Variants in CADM2 observed in about 807,000 individuals in gnomAD.
CADM2 encodes the protein cell adhesion molecule 2, also known as immunoglobulin superfamily member 4D.
A neutral mutation model predicts 49.8 loss-of-function variants in CADM2; 12 were observed. That is an observed-to-expected ratio of 0.24 (90% CI 0.15 to 0.39). The LOEUF is 0.39. Ranked by LOEUF, CADM2 falls within the 10% of genes least tolerant of loss-of-function variation. The pLI, the probability that CADM2 is intolerant of heterozygous loss-of-function variation, is 1.00. For synonymous variants in CADM2, 214 were observed against 175.4 expected, an observed-to-expected ratio of 1.22 and a Z score of -1.74; for missense variants, 378 against 492.3, an observed-to-expected ratio of 0.77 and a Z score of 2.20.
At chr3:85,582,969 A>G (rs2062837962) in intron 1 of CADM2, among the ~76,000 whole-genome samples, 1 of 152,116 alleles carries the variant, frequency 6.6e-6, no homozygotes, top group Non-Finnish European at 1.5e-5. Context: ...ACCTACCCCA[A>G]AAAAGAAAAA....
At chr3:85,564,351 T>C (rs1375551) in intron 1 of CADM2, among the ~76,000 whole-genome samples, 77,786 of 151,772 alleles carry the variant, frequency 0.51, 22,990 homozygotes, top group East Asian at 0.85. Flanking sequence ...AACTGCAGAG[T>C]CAGATATCTT....
At chr3:85,070,863 C>CT (rs1259084610) in intron 1 of CADM2, among the ~76,000 whole-genome samples, 1 of 151,940 alleles carries the variant, frequency 6.6e-6, no homozygotes, top group Non-Finnish European at 1.5e-5. Context: ...GTGGTGCACA[C>CT]TTGTAGTCTC....
chr3:85,465,036 C>G (rs555507479), intron 1 of CADM2, among the ~76,000 whole-genome samples: 1 of 152,252 alleles, frequency 6.6e-6, no homozygotes, highest in South Asian at 2.1e-4. Context: ...ATAGTCCCAG[C>G]AACTCGGGAG....
intron 7 of CADM2, among the ~76,000 whole-genome samples, chr3:85,938,964 C>T (rs1167248884): frequency 1.3e-5 from 2 of 151,776 alleles, no homozygotes; most frequent in East Asian, 1.9e-4. Context: ...TTAACTAGTA[C>T]GTTTTGAAGA....
chr3:85,473,349 C>G (rs191031443), intron 1 of CADM2, among the ~76,000 whole-genome samples: 19 of 152,038 alleles, frequency 1.2e-4, no homozygotes, highest in African/African-American at 4.6e-4. Context: ...TGCCTTTACT[C>G]TTGACAAGTA....
At chr3:85,826,100 T>C (rs554431970) in intron 3 of CADM2, among the ~76,000 whole-genome samples, 81 of 152,168 alleles carry the variant, frequency 5.3e-4, no homozygotes, top group African/African-American at 1.9e-3. Context: ...TTGTTGACCT[T>C]TTATATCATC....
intron 1 of CADM2, among the ~76,000 whole-genome samples, chr3:85,385,161 C>T (rs1465166467): frequency 1.3e-5 from 2 of 152,136 alleles, no homozygotes; most frequent in Non-Finnish European, 2.9e-5. Context: ...TCTCAAGCTC[C>T]TGTCCTCAGG....
intron 1 of CADM2, among the ~76,000 whole-genome samples, chr3:85,304,661 T>C (rs904900668): frequency 5.3e-5 from 8 of 151,842 alleles, no homozygotes; most frequent in Admixed American, 2.0e-4. Flanking sequence ...TACGTTTAAC[T>C]TTGTTTTTTA....
rs527866170 is a variant in CADM2 at position 85,391,607 on chromosome 3, A to G, written c.62-334915A>G. Among the ~76,000 whole-genome samples the G allele has an allele frequency of 2.6e-5, 4 of 152,262 alleles. No individual in the cohort carries two copies. The East Asian group carries it at 5.8e-4, about 22-fold the overall frequency. On this transcript the variant is annotated intron_variant, in intron 1 of 9. Coordinates refer to ENST00000383699, the MANE Select transcript of CADM2 (RefSeq NM_001167675.2). The stretch of plus-strand genomic sequence containing the variant: ...ACACAACAGAAGAATTATATTGTGC[A>G]ATACAAATCTTTGTTTTGATAAGGA...
intron 1 of CADM2, among the ~76,000 whole-genome samples, chr3:85,119,862 C>T (rs1215291251): frequency 6.6e-6 from 1 of 152,046 alleles, no homozygotes; most frequent in Non-Finnish European, 1.5e-5. Context: ...TATCCTGAGA[C>T]TTTTCTGAAA....
chr3:85,885,680 C>CAA lies in CADM2; in HGVS notation c.392-489_392-488dup, dbSNP rs1230774557. ...CTGGGGTCAGAGCAAGACTCTATCT[C>CAA]AAAAAAAAAAAAAAAAAAAAAATTA... On this transcript the variant is annotated intron_variant, in intron 4 of 9. Coordinates refer to ENST00000383699, the MANE Select transcript of CADM2 (RefSeq NM_001167675.2). 4.0e-3 allele frequency among the ~76,000 whole-genome samples: 343 copies of CAA among 86,448 alleles called. 3 individuals are homozygous for CAA. The highest frequency in any genetic ancestry group is 0.015 in the Middle Eastern group (2 of 130). The allele number at this position is 86,448 out of a possible 152,430, so 56.7% of individuals were successfully genotyped here.
chr3:85,864,012 AC>A (rs1333402085), intron 3 of CADM2, among the ~76,000 whole-genome samples: 2 of 152,132 alleles, frequency 1.3e-5, no homozygotes, highest in African/African-American at 2.4e-5. Context: ...TGAAGAGCAC[AC>A]CCACAGAGTG....
intron 1 of CADM2, among the ~76,000 whole-genome samples, chr3:85,305,839 A>C (rs1276371278): frequency 1.3e-5 from 2 of 151,710 alleles, no homozygotes; most frequent in African/African-American, 4.8e-5. Context: ...TCAAGTTAAC[A>C]GATCTAAAAC....
chr3:85,717,325 T>C (rs562614627), intron 1 of CADM2, among the ~76,000 whole-genome samples: 22 of 152,290 alleles, frequency 1.4e-4, no homozygotes, highest in Admixed American at 1.3e-3. Flanking sequence ...GGAATGCTTG[T>C]GATTTTTGCA....
chr3:85,027,109 C>CTTTTTTTTTTTTTTTTTTTTTT lies in CADM2; in HGVS notation c.61+67443_61+67464dup, dbSNP rs1160735135. On this transcript the variant is annotated intron_variant, in intron 1 of 9. Transcript: ENST00000383699. ...TGGTTGTTGTTGCTTTTTCTTTTTC[C>CTTTTTTTTTTTTTTTTTTTTTT]TTTTTTTTTTTTTTTTTTTTTTTAA... Among the ~76,000 whole-genome samples, 25 of 55,688 alleles carry CTTTTTTTTTTTTTTTTTTTTTT rather than the reference C, an allele frequency of 4.5e-4. 3 individuals are homozygous for CTTTTTTTTTTTTTTTTTTTTTT. Among genetic ancestry groups the CTTTTTTTTTTTTTTTTTTTTTT allele is most frequent in the Admixed American group, 9.9e-4 (3 of 3,028 alleles). 36.5% of individuals were successfully genotyped at this position (55,688 alleles called of 152,430 possible).
intron 1 of CADM2, among the ~76,000 whole-genome samples, chr3:85,278,718 TTGTGTGTGTGTGTGTGTGTGTGTG>T (rs36208431): frequency 6.9e-6 from 1 of 144,462 alleles, no homozygotes; most frequent in Non-Finnish European, 1.5e-5. Flanking sequence ...GCTGATGTTC[TTGTGTGTGTGTGTGTGTGTGTGTG>T]TGTGTGTGTG....
At chr3:86,058,218 A>C (rs541525220) in intron 8 of CADM2, among the ~76,000 whole-genome samples, 2 of 152,324 alleles carry the variant, frequency 1.3e-5, no homozygotes, top group East Asian at 3.9e-4. Flanking sequence ...ATAGACACTT[A>C]GAATGGTTCA....
chr3:85,087,317 G>T (rs1400624062), intron 1 of CADM2, among the ~76,000 whole-genome samples: 1 of 152,042 alleles, frequency 6.6e-6, no homozygotes, highest in African/African-American at 2.4e-5. Flanking sequence ...ATTAATTTTA[G>T]ATTCTTTATC....
At chr3:85,848,685 A>AT (rs1398993761) in intron 3 of CADM2, among the ~76,000 whole-genome samples, 10 of 152,136 alleles carry the variant, frequency 6.6e-5, no homozygotes, top group Admixed American at 1.3e-4. Context: ...TATTTTTACT[A>AT]TTTTTTCTAA....
Sources: gnomAD v4.1 joint callset for allele counts (sites outside exome capture counted in the v4.1 genomes callset) on GRCh38, gnomAD v4.1.1 for gene constraint, MANE v1.5 for transcripts, NCBI Gene and HGNC (gene_info 2026-07-23, HGNC 2026-07-21) for gene names.